Variants in SUMF1 observed in about 807,000 individuals in gnomAD.
SUMF1 encodes the protein sulfatase modifying factor 1.
A neutral mutation model predicts 47.6 loss-of-function variants in SUMF1; 48 were observed. The ratio of observed to expected loss-of-function variants is 1.01; its 90% confidence interval spans 0.80 to 1.28. SUMF1 has a LOEUF of 1.28. Among genes scored for constraint, SUMF1 ranks in the 50% most tolerant of loss-of-function variants. SUMF1 has a pLI of 0.00. For synonymous variants in SUMF1, 230 were observed against 192.1 expected (o/e 1.20, Z -1.63); for missense variants, 571 against 485.4 (o/e 1.18, Z -1.66).
At chr3:4,369,270 C>A (rs1575142054) in intron 8 of SUMF1, among the ~76,000 whole-genome samples, 1 of 152,150 alleles carries the variant, frequency 6.6e-6, no homozygotes, top group Non-Finnish European at 1.5e-5. Flanking sequence ...CTCAGGTAGA[C>A]AAAAGGAAGA....
At chr3:4,152,268 G>A (rs1210754874) in intron 8 of SUMF1, among the ~76,000 whole-genome samples, 1 of 151,416 alleles carries the variant, frequency 6.6e-6, no homozygotes, top group East Asian at 1.9e-4. Context: ...GGACAGTCTA[G>A]AAGAGCAGTC....
At chr3:4,147,752 A>G (rs766871414) in intron 8 of SUMF1, among the ~76,000 whole-genome samples, 2 of 152,106 alleles carry the variant, frequency 1.3e-5, no homozygotes, top group African/African-American at 4.8e-5. Flanking sequence ...AGAACTACCT[A>G]CCACCACCAC....
At chr3:4,143,875 G>C (rs902094659) in intron 8 of SUMF1, among the ~76,000 whole-genome samples, 1 of 151,934 alleles carries the variant, frequency 6.6e-6, no homozygotes, top group Non-Finnish European at 1.5e-5. Flanking sequence ...CAGTTCTGCT[G>C]AATCTTAATA....
At chr3:4,111,920 A>G (rs1214197212) in intron 8 of SUMF1, among the ~76,000 whole-genome samples, 2 of 152,090 alleles carry the variant, frequency 1.3e-5, no homozygotes, top group Admixed American at 6.5e-5. Flanking sequence ...GGAAATTTAT[A>G]ATAATGTTAA....
intron 9 of SUMF1, among the ~76,000 whole-genome samples, chr3:4,064,835 A>C (rs1344909458): frequency 1.3e-5 from 2 of 152,180 alleles, no homozygotes; most frequent in Non-Finnish European, 2.9e-5. Flanking sequence ...TTTAATGAAC[A>C]AGTGCTAAAT....
At chr3:4,211,185 TATACATATAC>T (rs1695780200) in intron 8 of SUMF1, among the ~76,000 whole-genome samples, 1 of 88,078 alleles carries the variant, frequency 1.1e-5, no homozygotes, top group Non-Finnish European at 2.2e-5. Flanking sequence ...TATATATACA[TATACATATAC>T]ATACATACAT....
chr3:4,303,691 T>C lies in SUMF1; in HGVS notation c.1014+72639A>G, dbSNP rs199643131. ...GTGTGCATGCCCCGGCCTGGGCCTT[T>C]TTCTGTTGACCCACGGCATCACCTT... On this transcript the variant is annotated intron_variant and NMD_transcript_variant, in intron 8 of 12. Transcript: ENST00000448413. 4,592 of 1,500,148 alleles carry C rather than the reference T, an allele frequency of 3.1e-3. 21 individuals are homozygous for C. The highest frequency in any genetic ancestry group is 3.2e-3 in the Non-Finnish European group (3,587 of 1,118,818). 92.9% of individuals were successfully genotyped at this position (1,500,148 alleles called of 1,614,324 possible). A position where few individuals can be genotyped will look rare whatever the true frequency, so the allele number is the denominator to read the frequency against.
intron 8 of SUMF1, among the ~76,000 whole-genome samples, chr3:4,247,259 A>T (rs1696691778): frequency 6.6e-6 from 1 of 152,202 alleles, no homozygotes; most frequent in Non-Finnish European, 1.5e-5. Flanking sequence ...ATTTTGGAAC[A>T]TGTGTTCTAT....
In SUMF1 at chr3:4,256,104, G is replaced by A. The variant is rs1411183487; in HGVS notation, c.1014+120226C>T. Among the ~76,000 whole-genome samples the A allele has an allele frequency of 3.0e-4, 43 of 144,900 alleles. 2 individuals are homozygous for A. The highest frequency in any genetic ancestry group is 3.7e-3 in the Middle Eastern group (1 of 272). ...CACAACATACCAGAATCTCTGGGAC[G>A]CATTCAAAGCAGTGTGTAGAGGGAA... On this transcript the variant is annotated intron_variant and NMD_transcript_variant, in intron 8 of 12. Coordinates refer to the SUMF1 transcript ENST00000448413.
chr3:4,444,736 T>C (rs1222804573), intron 3 of SUMF1, among the ~76,000 whole-genome samples: 3 of 152,190 alleles, frequency 2.0e-5, no homozygotes, highest in African/African-American at 4.8e-5. Flanking sequence ...AAAATGGAAG[T>C]ATCAGTGTAT....
intron 8 of SUMF1, among the ~76,000 whole-genome samples, chr3:4,259,671 G>C (rs749680283): frequency 6.6e-6 from 1 of 152,104 alleles, no homozygotes; most frequent in Non-Finnish European, 1.5e-5. Context: ...ACCAAGCAAT[G>C]AATAATTCTG....
chr3:4,448,639 T>A, intron 3 of SUMF1, among the ~76,000 whole-genome samples: 1 of 152,174 alleles, frequency 6.6e-6, no homozygotes, highest in East Asian at 1.9e-4. Context: ...GGAACAAGAA[T>A]CCCAAGTTCC....
intron 7 of SUMF1, among the ~76,000 whole-genome samples, chr3:4,409,706 G>C (rs1701483319): frequency 6.6e-6 from 1 of 152,088 alleles, no homozygotes; most frequent in Non-Finnish European, 1.5e-5. Flanking sequence ...ACTTCCACCA[G>C]CCCCGCTGGA....
At chr3:4,191,026 G>A (rs1472296454) in intron 8 of SUMF1, among the ~76,000 whole-genome samples, 3 of 152,158 alleles carry the variant, frequency 2.0e-5, no homozygotes, top group African/African-American at 7.2e-5. Flanking sequence ...TAAACAAGGT[G>A]AGATCACAGA....
chr3:4,125,510 T>A (rs1693636438), intron 8 of SUMF1, among the ~76,000 whole-genome samples: 1 of 152,152 alleles, frequency 6.6e-6, no homozygotes, highest in Non-Finnish European at 1.5e-5. Context: ...CTATCTGCTT[T>A]TTACCATTAA....
intron 8 of SUMF1, among the ~76,000 whole-genome samples, chr3:4,123,586 C>A (rs1693592438): frequency 6.6e-6 from 1 of 152,096 alleles, no homozygotes. Flanking sequence ...ATCAAGTGGT[C>A]AGAAAGAGTT....
chr3:4,169,695 C>G (rs1245045605), intron 8 of SUMF1, among the ~76,000 whole-genome samples: 1 of 152,176 alleles, frequency 6.6e-6, no homozygotes, highest in African/African-American at 2.4e-5. Flanking sequence ...GGCTGACAAT[C>G]TGCAGTGATT....
intron 8 of SUMF1, among the ~76,000 whole-genome samples, chr3:4,308,877 G>C (rs1698296503): frequency 6.6e-6 from 1 of 152,206 alleles, no homozygotes; most frequent in Non-Finnish European, 1.5e-5. Flanking sequence ...TTTATTCTGA[G>C]CCAAATATGA....
intron 8 of SUMF1, among the ~76,000 whole-genome samples, chr3:4,137,673 AAGGG>A (rs1693972623): frequency 6.6e-6 from 1 of 152,100 alleles, no homozygotes; most frequent in Non-Finnish European, 1.5e-5. Flanking sequence ...CAACCTGATA[AAGGG>A]AATCTACAAA....
Sources: gnomAD v4.1 joint callset for allele counts (sites outside exome capture counted in the v4.1 genomes callset) on GRCh38, gnomAD v4.1.1 for gene constraint, MANE v1.5 for transcripts, NCBI Gene and HGNC (gene_info 2026-07-23, HGNC 2026-07-21) for gene names.